PSMC6: variants seen among roughly 807,000 people sequenced by gnomAD.
PSMC6 encodes 26S proteasome regulatory subunit 10B.
Under a neutral mutation model 55.9 loss-of-function variants are expected in PSMC6, and 3 were observed. The ratio of observed to expected loss-of-function variants is 0.05; its 90% CI spans 0.02 to 0.14. PSMC6 has a LOEUF of 0.14. Among genes scored for constraint, PSMC6 ranks in the 10% least tolerant of loss-of-function variants. PSMC6 has a pLI of 1.00. For synonymous variants in PSMC6, 137 were observed against 155.9 expected, an observed-to-expected ratio of 0.88 and a Z score of 0.90; for missense variants, 210 against 478.7, an observed-to-expected ratio of 0.44 and a Z score of 5.24.
At chr14:52,716,476 G>A (rs1041525376) in intron 7 of PSMC6, among the ~76,000 whole-genome samples, 35 of 152,150 alleles carry the variant, frequency 2.3e-4, no homozygotes, top group Admixed American at 1.6e-3. Context: ...TGTGGTAGCC[G>A]GGTGCAGTGG....
intron 9 of PSMC6, chr14:52,718,755 C>T (rs2041858051): frequency 3.9e-6 from 2 of 513,236 alleles, no homozygotes; most frequent in Non-Finnish European, 6.9e-6. Context: ...CACTGCACTC[C>T]AGCCTGGCGA....
At chr14:52,715,140 A>AAT (rs2041817543) in intron 7 of PSMC6, among the ~76,000 whole-genome samples, 1 of 151,938 alleles carries the variant, frequency 6.6e-6, no homozygotes, top group South Asian at 2.1e-4. Context: ...GTAAAAAAAA[A>AAT]AAAAGTCAGT....
intron 10 of PSMC6, among the ~76,000 whole-genome samples, chr14:52,720,412 T>A (rs2041878675): frequency 1.4e-5 from 2 of 143,552 alleles, no homozygotes; most frequent in Admixed American, 7.0e-5. Context: ...CAGTTTATTA[T>A]CAAATTTGTA....
At chr14:52,720,339 G>C (rs1253773235) in intron 10 of PSMC6, among the ~76,000 whole-genome samples, 1 of 115,018 alleles carries the variant, frequency 8.7e-6, no homozygotes, top group Non-Finnish European at 1.6e-5. Context: ...CAGTACTCCA[G>C]CCTGGGTGAC....
chr14:52,717,243 T>C (rs2041839604), intron 7 of PSMC6, among the ~76,000 whole-genome samples: 1 of 152,078 alleles, frequency 6.6e-6, no homozygotes, highest in African/African-American at 2.4e-5. Context: ...CCCATAAATA[T>C]ACAATTTATT....
chr14:52,711,060 T>C, intron 4 of PSMC6, 41 bp from the exon 5 acceptor site: 1 of 1,281,438 alleles, frequency 7.8e-7, no homozygotes, highest in Non-Finnish European at 1.1e-6. Context: ...GTTATTCCGT[T>C]TTTAAGTGTT....
chr14:52,717,747 G>A (rs2041845131), intron 7 of PSMC6, among the ~76,000 whole-genome samples: 1 of 152,018 alleles, frequency 6.6e-6, no homozygotes, highest in Non-Finnish European at 1.5e-5. Flanking sequence ...GCCGGGTGCG[G>A]TGGCTCCTGC....
intron 1 of PSMC6, 30 bp from the exon 2 acceptor site, chr14:52,708,279 A>AT (rs1566655560): frequency 1.3e-6 from 2 of 1,561,946 alleles, no homozygotes; most frequent in Middle Eastern, 1.7e-4. Context: ...TTACTGTTCA[A>AT]TTAAAAATGT....
At position 52,727,646 on chromosome 14, in the gene PSMC6, G is replaced by A; in HGVS notation, c.*29G>A. Reference sequence around the variant, plus strand: ...ACTGTAAGATTTTTGATGGCTGCATGACAGATGTTGGCTTATTGTAAAAAT... The same window carrying A: ...ACTGTAAGATTTTTGATGGCTGCATAACAGATGTTGGCTTATTGTAAAAAT... On this transcript the variant is annotated 3_prime_UTR_variant, in exon 14 of 14. Transcript: ENST00000445930. The A allele has an allele frequency of 6.9e-7, 1 of 1,440,610 alleles. No individual in the cohort carries two copies. Among genetic ancestry groups the A allele is most frequent in the East Asian group, 2.3e-5 (1 of 43,814 alleles). The allele number at this position is 1,440,610 out of a possible 1,614,324, so 89.2% of individuals were successfully genotyped here. A position where few individuals can be genotyped will look rare whatever the true frequency, so the allele number is the denominator to read the frequency against.
chr14:52,712,481 T>C (rs897149415), intron 6 of PSMC6, among the ~76,000 whole-genome samples: 4 of 151,956 alleles, frequency 2.6e-5, no homozygotes, highest in Admixed American at 6.6e-5. Flanking sequence ...CAACAGTGAT[T>C]TGCTGCATTA....
intron 7 of PSMC6, among the ~76,000 whole-genome samples, chr14:52,717,116 G>T (rs947102148): frequency 1.3e-5 from 2 of 152,140 alleles, no homozygotes; most frequent in African/African-American, 4.8e-5. Flanking sequence ...TTTCAAAATT[G>T]CTAAAAGTAG....
At chr14:52,727,163 G>C (rs1308625468) in intron 13 of PSMC6, among the ~76,000 whole-genome samples, 6 of 151,350 alleles carry the variant, frequency 4.0e-5, no homozygotes, top group Non-Finnish European at 7.4e-5. Context: ...TGGGACTACA[G>C]GCGCGCGCCA....
intron 1 of PSMC6, among the ~76,000 whole-genome samples, chr14:52,707,887 A>G (rs577552539): frequency 6.6e-6 from 1 of 152,324 alleles, no homozygotes; most frequent in South Asian, 2.1e-4. Context: ...ATGGAGGACC[A>G]TAATTACATG....
Position 52,718,110 on chromosome 14 carries a change from G to A in PSMC6, c.559G>A (p.Val187Ile), listed in dbSNP as rs1156992215. Residue 187 changes from valine to isoleucine, a missense_variant, in exon 8 of 14, where the codon GTT becomes ATT. By Grantham distance (29) the Val-to-Ile change is conservative (BLOSUM62 3). This residue lies in a region of PSMC6 where 101 missense variants were observed against 250.4 expected (regional missense o/e 0.40). Coordinates refer to ENST00000445930, the MANE Select transcript of PSMC6 (RefSeq NM_002806.5). Reference sequence around the variant, plus strand: ...GGGAAAAACACTCTTGGCACGAGCCGTTGCTAGCCAGCTGGACTGCAATTT... The same window carrying A: ...GGGAAAAACACTCTTGGCACGAGCCATTGCTAGCCAGCTGGACTGCAATTT... ...GTGKTLLARAVASQLDCNFLK... is the reference protein window; with the variant it reads ...GTGKTLLARAIASQLDCNFLK... 1.9e-6 allele frequency: 3 copies of A among 1,613,520 alleles called. No homozygotes were observed. Among genetic ancestry groups the A allele is most frequent in the Non-Finnish European group, 2.5e-6 (3 of 1,179,954 alleles).
chr14:52,720,619 C>A (rs1225353727), intron 10 of PSMC6, among the ~76,000 whole-genome samples: 2 of 151,856 alleles, frequency 1.3e-5, no homozygotes, highest in Non-Finnish European at 2.9e-5. Flanking sequence ...TTAAAACTAC[C>A]TGGTAGCTAT....
intron 12 of PSMC6, 136 bp from the exon 13 acceptor site, chr14:52,723,829 A>G: frequency 1.4e-6 from 2 of 1,435,530 alleles, no homozygotes; most frequent in Non-Finnish European, 1.8e-6. Flanking sequence ...GGATATTAAT[A>G]TTGTGGAAAG....
chr14:52,708,826 T>C lies in PSMC6; in HGVS notation c.258+10T>C. 2 of 1,613,132 alleles carry C rather than the reference T, an allele frequency of 1.2e-6. No homozygotes were observed. Among genetic ancestry groups the C allele is most frequent in the Non-Finnish European group, 1.7e-6 (2 of 1,179,676 alleles). ...GGGTTGTCGTCGACAGGTAATACTT[T>C]ATATTTGTATAGTGCCTGATGATTG... On this transcript the variant is annotated intron_variant, in intron 4 of 13. Coordinates refer to ENST00000445930, the MANE Select transcript of PSMC6 (RefSeq NM_002806.5).
chr14:52,718,617 C>T (rs2139848990), intron 9 of PSMC6: 2 of 403,080 alleles, frequency 5.0e-6, no homozygotes, highest in South Asian at 5.3e-5. Flanking sequence ...GAAACCCTGT[C>T]TCTACTAAAA....
chr14:52,726,321 T>A (rs1331819370), intron 13 of PSMC6, among the ~76,000 whole-genome samples: 1 of 152,180 alleles, frequency 6.6e-6, no homozygotes, highest in Non-Finnish European at 1.5e-5. Context: ...CAAATATGAA[T>A]CAAATAAAAA....
Sources: allele counts gnomAD v4.1 joint callset (sites outside exome capture counted in the v4.1 genomes callset), GRCh38; gene constraint gnomAD v4.1.1; regional missense constraint gnomAD v4.1.1; transcripts MANE v1.5; gene names NCBI Gene and HGNC (gene_info 2026-07-23, HGNC 2026-07-21).